The following PAX3 variants were observed in gnomAD, a reference collection of about 807,000 sequenced individuals.
PAX3 encodes the protein paired box 3.
A neutral mutation model predicts 51.6 loss-of-function variants in PAX3; 14 were observed. That is an observed-to-expected ratio of 0.27 (90% CI 0.18 to 0.42). The LOEUF (loss-of-function observed/expected upper bound fraction) is 0.42, where lower values mean the gene tolerates loss of function less well. PAX3 is among the 10% of genes least tolerant of loss of function. The pLI is 1.00. For missense variants in PAX3, 540 were observed against 642.8 expected (o/e 0.84, Z 1.73); for synonymous variants, 280 against 253.4 (o/e 1.11, Z -1.00).
At chr2:222,221,072 C>T in intron 6 of PAX3, 150 bp downstream of exon 6, 1 of 794,032 alleles carries the variant, frequency 1.3e-6, no homozygotes. Flanking sequence ...AACTATGTTT[C>T]TGAAATGTGA....
At chr2:222,271,958 C>T (rs1459390875) in intron 4 of PAX3, among the ~76,000 whole-genome samples, 2 of 152,216 alleles carry the variant, frequency 1.3e-5, no homozygotes, top group African/African-American at 4.8e-5. Context: ...TTTTCCTAGA[C>T]TTAAATGAAA....
intron 7 of PAX3, among the ~76,000 whole-genome samples, chr2:222,210,436 G>A (rs960795941): frequency 2.6e-5 from 4 of 151,946 alleles, no homozygotes; most frequent in African/African-American, 9.7e-5. Context: ...AGTATCTATT[G>A]TTATAGAAGA....
chr2:222,292,744 G>GA (rs1249330785), intron 4 of PAX3, among the ~76,000 whole-genome samples: 25 of 152,318 alleles, frequency 1.6e-4, no homozygotes, highest in African/African-American at 6.0e-4. Flanking sequence ...GACCAAGGCA[G>GA]AAAAATGCAC....
At chr2:222,251,177 A>G (rs1693416967) in intron 4 of PAX3, among the ~76,000 whole-genome samples, 1 of 152,174 alleles carries the variant, frequency 6.6e-6, no homozygotes. Context: ...ATATGTATAC[A>G]TGTGCCATGT....
chr2:222,213,106 T>A (rs1691811148), intron 7 of PAX3, among the ~76,000 whole-genome samples: 2 of 152,186 alleles, frequency 1.3e-5, no homozygotes, highest in Non-Finnish European at 2.9e-5. Flanking sequence ...AGGAAGGTTT[T>A]CTTTTGGCTC....
intron 4 of PAX3, 146 bp from the exon 5 acceptor site, chr2:222,232,429 T>C (rs1692632607): frequency 1.4e-6 from 1 of 710,902 alleles, no homozygotes; most frequent in Non-Finnish European, 2.3e-6. Flanking sequence ...AAAAAACAAG[T>C]CTAACCAATC....
At chr2:222,233,743 C>T (rs899944036) in intron 4 of PAX3, among the ~76,000 whole-genome samples, 1 of 152,128 alleles carries the variant, frequency 6.6e-6, no homozygotes, top group African/African-American at 2.4e-5. Context: ...AGCAGCCTGG[C>T]TCTTGAACAC....
chr2:222,245,157 A>G (rs1418055710), intron 4 of PAX3, among the ~76,000 whole-genome samples: 1 of 152,202 alleles, frequency 6.6e-6, no homozygotes, highest in Non-Finnish European at 1.5e-5. Flanking sequence ...AAAAAAGAAA[A>G]AGAAAAGAAA....
intron 4 of PAX3, among the ~76,000 whole-genome samples, chr2:222,235,635 A>C (rs1329769582): frequency 6.6e-6 from 1 of 152,162 alleles, no homozygotes; most frequent in Admixed American, 6.6e-5. Flanking sequence ...GGGACAGTAC[A>C]CCTGTCAAAC....
chr2:222,213,660 C>T (rs1691838543), intron 7 of PAX3, among the ~76,000 whole-genome samples: 1 of 152,170 alleles, frequency 6.6e-6, no homozygotes, highest in Non-Finnish European at 1.5e-5. Context: ...TAATCAAAAT[C>T]ACTCCTTTCT....
chr2:222,206,138 ATT>A (rs11366818), intron 7 of PAX3, among the ~76,000 whole-genome samples: 15 of 148,424 alleles, frequency 1.0e-4, no homozygotes, highest in Non-Finnish European at 1.9e-4. Context: ...TTTTGTACCA[ATT>A]TTTTTTTTTT....
rs947050654 is a variant in PAX3, at chr2:222,246,009, A to C, written c.587-13726T>G. On this transcript the variant is annotated intron_variant, in intron 4 of 8. Transcript: ENST00000392070. ...AAGAGACAGAGAGAGAGAGAGAAGG[A>C]TCAACTTTCCTTTCTAGCAAAGAAG... Among the ~76,000 whole-genome samples, 7 of 151,956 alleles carry C rather than the reference A, an allele frequency of 4.6e-5. 1 individual carries two copies. The highest frequency in any genetic ancestry group is 1.7e-4 in the African/African-American group (7 of 41,370).
intron 7 of PAX3, among the ~76,000 whole-genome samples, chr2:222,203,289 G>A (rs1691378570): frequency 6.6e-6 from 1 of 151,762 alleles, no homozygotes; most frequent in South Asian, 2.1e-4. Context: ...TGCCACACGA[G>A]AGAGGAAGCG....
At chr2:222,290,408 A>C (rs1472406032) in intron 4 of PAX3, among the ~76,000 whole-genome samples, 1 of 152,228 alleles carries the variant, frequency 6.6e-6, no homozygotes, top group African/African-American at 2.4e-5. Context: ...ACAGATAGGA[A>C]AGGAATATAA....
intron 4 of PAX3, among the ~76,000 whole-genome samples, chr2:222,270,019 TCAC>T (rs541566797): frequency 4.6e-5 from 7 of 152,210 alleles, no homozygotes; most frequent in Non-Finnish European, 1.0e-4. Context: ...TACAAAGAAA[TCAC>T]CATGCAGTGG....
At chr2:222,275,957 C>T (rs1157586763) in intron 4 of PAX3, among the ~76,000 whole-genome samples, 2 of 152,170 alleles carry the variant, frequency 1.3e-5, no homozygotes, top group Non-Finnish European at 2.9e-5. Flanking sequence ...AAGTGTGAGC[C>T]ATTAGGGCGT....
rs1284119637 is a variant in PAX3, at chr2:222,205,138, A to G, written c.1174-2948T>C. Among the ~76,000 whole-genome samples the G allele has an allele frequency of 2.0e-5, 3 of 152,194 alleles. No individual in the cohort carries two copies. The East Asian group carries it at 5.8e-4, about 29-fold the overall frequency. The stretch of plus-strand genomic sequence containing the variant: ...AGCAACTTTTGGCAGTCGCTGCGTT[A>G]GAAAATTCATTAGGAAAGGATTTAA... On this transcript the variant is annotated intron_variant, in intron 7 of 8. Coordinates refer to ENST00000392070, the MANE Select transcript of PAX3 (RefSeq NM_181458.4).
intron 5 of PAX3, among the ~76,000 whole-genome samples, chr2:222,226,720 T>C (rs918755717): frequency 1.1e-4 from 17 of 150,584 alleles, no homozygotes; most frequent in African/African-American, 3.9e-4. Context: ...TGAGAAATTA[T>C]GCATTTGGGT....
intron 4 of PAX3, among the ~76,000 whole-genome samples, chr2:222,266,332 A>G (rs1694054376): frequency 6.6e-6 from 1 of 152,206 alleles, no homozygotes; most frequent in African/African-American, 2.4e-5. Flanking sequence ...AACAAGAACA[A>G]TACCTGATGC....
Sources: gnomAD v4.1 joint callset for allele counts (sites outside exome capture counted in the v4.1 genomes callset) on GRCh38, gnomAD v4.1.1 for gene constraint, MANE v1.5 for transcripts, NCBI Gene and HGNC (gene_info 2026-07-23, HGNC 2026-07-21) for gene names.